Variants in CTNNA3 observed in about 807,000 individuals in gnomAD.
CTNNA3 encodes catenin alpha 3.
In CTNNA3, 76 loss-of-function variants were observed where a neutral mutation model predicts 95.7. That is an observed-to-expected ratio of 0.79 (90% CI 0.66 to 0.96). CTNNA3 has a LOEUF of 0.96. CTNNA3 is among the 40% of genes least tolerant of loss of function. The pLI, the probability that CTNNA3 is intolerant of heterozygous loss-of-function variation, is 0.00. For synonymous variants in CTNNA3, 431 were observed against 374.4 expected (o/e 1.15, Z -1.74); for missense variants, 1,191 against 1,089.8 (o/e 1.09, Z -1.31).
intron 9 of CTNNA3, among the ~76,000 whole-genome samples, chr10:66,629,014 G>T (rs1845039747): frequency 6.6e-6 from 1 of 152,030 alleles, no homozygotes; most frequent in Non-Finnish European, 1.5e-5. Flanking sequence ...GAAACATGAG[G>T]TTACTCCTTC....
chr10:67,071,408 G>C (rs1856451919), intron 7 of CTNNA3, among the ~76,000 whole-genome samples: 1 of 148,980 alleles, frequency 6.7e-6, no homozygotes, highest in Non-Finnish European at 1.5e-5. Context: ...CAGAATTGTA[G>C]GTTTGCAGTT....
chr10:67,460,144 T>A (rs1266366581), intron 5 of CTNNA3, among the ~76,000 whole-genome samples: 2 of 152,158 alleles, frequency 1.3e-5, no homozygotes, highest in African/African-American at 2.4e-5. Flanking sequence ...TAGGTTTATA[T>A]ACTTAACACT....
Position 65,914,293 on chromosome 10 carries a change from C to T in CTNNA3, c.*6037G>A, listed in dbSNP as rs1423758180. On this transcript the variant is annotated 3_prime_UTR_variant, in exon 18 of 18. Coordinates refer to ENST00000433211, the MANE Select transcript of CTNNA3 (RefSeq NM_013266.4). ...CCAGATACATAAAAGTGAAGATCCCCAATATACACATCCATTGCTCAAACT... is the reference window on the plus strand; with the variant it reads ...CCAGATACATAAAAGTGAAGATCCCTAATATACACATCCATTGCTCAAACT... 1 of 152,020 alleles carries T rather than the reference C, an allele frequency of 6.6e-6. No homozygotes were observed. Among genetic ancestry groups the T allele is most frequent in the Non-Finnish European group, 1.5e-5 (1 of 67,996 alleles). 9.4% of individuals were successfully genotyped at this position (152,020 alleles called of 1,614,324 possible). A position where few individuals can be genotyped will look rare whatever the true frequency, so the allele number is the denominator to read the frequency against.
chr10:66,855,777 C>T (rs1843662610), intron 7 of CTNNA3, among the ~76,000 whole-genome samples: 1 of 151,992 alleles, frequency 6.6e-6, no homozygotes, highest in African/African-American at 2.4e-5. Context: ...ACATCATGTT[C>T]TTAAGGGTTA....
At chr10:67,731,732 G>A in intron 1 of CTNNA3, among the ~76,000 whole-genome samples, 1 of 151,034 alleles carries the variant, frequency 6.6e-6, no homozygotes, top group Non-Finnish European at 1.5e-5. Flanking sequence ...AACCCGGGAG[G>A]TGGAGCTTGC....
intron 7 of CTNNA3, among the ~76,000 whole-genome samples, chr10:67,004,736 T>G (rs942458480): frequency 1.2e-4 from 18 of 152,204 alleles, no homozygotes; most frequent in Non-Finnish European, 2.4e-4. Context: ...TTAACTTATA[T>G]CATGTCAATT....
At chr10:67,521,785 G>A in intron 5 of CTNNA3, 57 bp downstream of exon 5, 1 of 1,573,784 alleles carries the variant, frequency 6.4e-7, no homozygotes, top group African/African-American at 1.4e-5. Flanking sequence ...TGACAGGCAG[G>A]ATGGCAGGAA....
chr10:66,732,520 A>G (rs1356568012), intron 9 of CTNNA3, among the ~76,000 whole-genome samples: 4 of 152,138 alleles, frequency 2.6e-5, no homozygotes, highest in Non-Finnish European at 5.9e-5. Flanking sequence ...AAAACTTACA[A>G]TGATGGTGGA....
At chr10:67,570,760 C>T (rs1841949365) in intron 3 of CTNNA3, among the ~76,000 whole-genome samples, 1 of 152,182 alleles carries the variant, frequency 6.6e-6, no homozygotes, top group Non-Finnish European at 1.5e-5. Context: ...TTTTGAAATA[C>T]TGTTTCCTTG....
At chr10:67,634,284 G>A (rs1839236389) in intron 2 of CTNNA3, among the ~76,000 whole-genome samples, 2 of 152,166 alleles carry the variant, frequency 1.3e-5, no homozygotes, top group Non-Finnish European at 2.9e-5. Context: ...AATGCTGAGG[G>A]AATTTGTCAC....
intron 1 of CTNNA3, among the ~76,000 whole-genome samples, chr10:67,672,583 G>C (rs892971587): frequency 1.3e-5 from 2 of 152,112 alleles, no homozygotes; most frequent in African/African-American, 4.8e-5. Flanking sequence ...CGTAGGGCTA[G>C]CCAGTTTTCC....
At chr10:66,438,973 G>C (rs149825778) in intron 11 of CTNNA3, among the ~76,000 whole-genome samples, 1 of 152,066 alleles carries the variant, frequency 6.6e-6, no homozygotes, top group South Asian at 2.1e-4. Context: ...TACACTTCCC[G>C]GGTGAGGTGA....
intron 15 of CTNNA3, among the ~76,000 whole-genome samples, chr10:66,021,789 T>C (rs1382598907): frequency 6.7e-6 from 1 of 149,934 alleles, no homozygotes; most frequent in Non-Finnish European, 1.5e-5. Flanking sequence ...ATTGAATGAA[T>C]ACTTCAAGTA....
intron 7 of CTNNA3, among the ~76,000 whole-genome samples, chr10:66,814,181 A>G (rs1352393369): frequency 6.6e-6 from 1 of 151,828 alleles, no homozygotes; most frequent in Non-Finnish European, 1.5e-5. Flanking sequence ...TAGAAACGTC[A>G]GAGGCAGTAA....
intron 5 of CTNNA3, among the ~76,000 whole-genome samples, chr10:67,315,524 TAAGCACTTTGTAAGTGCTTAGTAAA>T (rs956160868): frequency 1.8e-4 from 28 of 152,152 alleles, no homozygotes; most frequent in African/African-American, 5.3e-4. Flanking sequence ...TTAGTAAAAT[TAAGCACTTTGTAAGTGCTTAGTAAA>T]AAGCACTTAC....
Position 66,583,779 on chromosome 10 carries a change from A to G in CTNNA3, c.1374+37913T>C, listed in dbSNP as rs562933323. Among the ~76,000 whole-genome samples, 95 of 151,398 alleles carry G rather than the reference A, an allele frequency of 6.3e-4. 1 individual carries two copies. The highest frequency in any genetic ancestry group is 2.2e-3 in the African/African-American group (90 of 41,336). Reference sequence around the variant, plus strand: ...CTTCAGATGTATTGTTAGGCTGTCAATTTGTGATCTTTCAGAATTATTGAT... The same window carrying G: ...CTTCAGATGTATTGTTAGGCTGTCAGTTTGTGATCTTTCAGAATTATTGAT... On this transcript the variant is annotated intron_variant, in intron 10 of 17. Transcript: ENST00000433211.
rs10997765 is a variant in CTNNA3, at chr10:67,636,658, C to T, written c.99+10757G>A. 0.034 allele frequency among the ~76,000 whole-genome samples: 5,149 copies of T among 152,096 alleles called. 614 individuals are homozygous for T. The East Asian group carries it at 0.43, about 13-fold the overall frequency. ...CTGGACCCCTACCTTACACCATATA[C>T]AAAAAGTAACCCAGAGGAAAGATCA... On this transcript the variant is annotated intron_variant, in intron 2 of 17. Coordinates refer to ENST00000433211, the MANE Select transcript of CTNNA3 (RefSeq NM_013266.4).
intron 11 of CTNNA3, among the ~76,000 whole-genome samples, chr10:66,445,279 C>A (rs1256188359): frequency 6.6e-6 from 1 of 151,966 alleles, no homozygotes; most frequent in Non-Finnish European, 1.5e-5. Context: ...AGAAAGTTAA[C>A]AAGGATACCC....
chr10:67,620,923 G>GTATATATATA (rs56300519), intron 2 of CTNNA3, among the ~76,000 whole-genome samples: 93 of 123,846 alleles, frequency 7.5e-4, no homozygotes, highest in Middle Eastern at 4.2e-3. Context: ...GTGTGTGTGT[G>GTATATATATA]TATATATATA....
Sources: allele counts gnomAD v4.1 joint callset (sites outside exome capture counted in the v4.1 genomes callset), GRCh38; gene constraint gnomAD v4.1.1; transcripts MANE v1.5; gene names NCBI Gene and HGNC (gene_info 2026-07-23, HGNC 2026-07-21).